The following NCAPD2 variants were observed in gnomAD, a reference collection of about 807,000 sequenced individuals.
The protein encoded by NCAPD2 is non-SMC condensin I complex subunit D2.
NCAPD2 carries 100 observed loss-of-function variants against 164.5 expected under a neutral mutation model. The observed-to-expected ratio is 0.61, with a 90% CI of 0.52 to 0.72. NCAPD2 has a LOEUF of 0.72. Among genes scored for constraint, NCAPD2 ranks in the 30% least tolerant of loss-of-function variants. NCAPD2 has a pLI of 0.00. For synonymous variants in NCAPD2, 585 were observed against 642.6 expected (o/e 0.91, Z 1.36); for missense variants, 1,560 against 1,749.2 (o/e 0.89, Z 1.93).
chr12:6,526,174 A>G lies in NCAPD2; in HGVS notation c.2455A>G (p.Ile819Val). ...GCTGGCCCAGCAGGTGTGCCATGCC[A>G]TTGCCAACATCTCGGACAGGAGAAA... The part of the protein sequence containing the change: ...YRLAQQVCHA[I>V]ANISDRRKPS... Residue 819 changes from isoleucine (I) to valine (V), a missense_variant, in exon 19 of 32, where the codon ATT (isoleucine) becomes GTT (valine). Coordinates refer to ENST00000315579, the MANE Select transcript of NCAPD2 (RefSeq NM_014865.4). 1 of 1,614,208 alleles carries G rather than the reference A, an allele frequency of 6.2e-7. No individual in the cohort carries two copies. The highest frequency in any genetic ancestry group is 1.1e-5 in the South Asian group (1 of 91,090).
In NCAPD2 at chr12:6,509,809, A is replaced by G. The variant is rs751198467; in HGVS notation, c.203+17A>G. The G allele has an allele frequency of 1.7e-5, 28 of 1,610,970 alleles. No individual in the cohort carries two copies. In the Middle Eastern group the frequency reaches 9.9e-4, roughly 57 times the overall value. On this transcript the variant is annotated intron_variant, in intron 3 of 31. Coordinates refer to ENST00000315579, the MANE Select transcript of NCAPD2 (RefSeq NM_014865.4). ...CATTTTGCAGTAAGTGAAACACCCA[A>G]CTGGTACTTTAAAAAGAACTGGTGA...
chr12:6,528,487 C>T lies in NCAPD2; in HGVS notation c.3299+159C>T. On this transcript the variant is annotated intron_variant, in intron 25 of 31. Transcript: ENST00000315579. This position sits in a 1 kb window ranked among gnomAD's most constrained non-coding sequence, Gnocchi z 5.1. ...ACAGGCCCCTGGCTAAGAGTCACCC[C>T]AGTGGGACTGACACTTCTGGTTAGA... The T allele has an allele frequency of 8.6e-7, 1 of 1,165,672 alleles. No homozygotes were observed. The highest frequency in any genetic ancestry group is 1.4e-5 in the South Asian group (1 of 69,056). The allele number at this position is 1,165,672 out of a possible 1,614,324, so 72.2% of individuals were successfully genotyped here. A position where few individuals can be genotyped will look rare whatever the true frequency, so the allele number is the denominator to read the frequency against.
intron 2 of NCAPD2, among the ~76,000 whole-genome samples, chr12:6,502,783 G>A (rs777072961): frequency 1.9e-4 from 29 of 151,928 alleles, no homozygotes; most frequent in Non-Finnish European, 2.6e-4. Context: ...ACTGCACTTC[G>A]GCCTGCGCAA....
rs1264212532 is a variant in NCAPD2, at chr12:6,504,222, T to C, written c.128-5495T>C. ...ATATATATATATATATATATAGATATAGATATATATATATATATATACCAT... is the reference window on the plus strand; with the variant it reads ...ATATATATATATATATATATAGATACAGATATATATATATATATATACCAT... On this transcript the variant is annotated intron_variant, in intron 2 of 31. Coordinates refer to ENST00000315579, the MANE Select transcript of NCAPD2 (RefSeq NM_014865.4). 5.0e-3 allele frequency among the ~76,000 whole-genome samples: 135 copies of C among 27,178 alleles called. 3 individuals carry two copies. Among genetic ancestry groups the C allele is most frequent in the African/African-American group, 0.041 (125 of 3,014 alleles). 17.8% of individuals were successfully genotyped at this position (27,178 alleles called of 152,430 possible). A position where few individuals can be genotyped will look rare whatever the true frequency, so the allele number is the denominator to read the frequency against.
chr12:6,527,199 G>T, intron 22 of NCAPD2, 136 bp downstream of exon 22: 2 of 942,326 alleles, frequency 2.1e-6, no homozygotes, highest in Non-Finnish European at 3.0e-6. Context: ...GGCTACTACC[G>T]TAGGAAAGGT....
chr12:6,524,009 G>C (rs186242705), intron 17 of NCAPD2, among the ~76,000 whole-genome samples: 2 of 152,294 alleles, frequency 1.3e-5, no homozygotes, highest in East Asian at 3.9e-4. Flanking sequence ...AGCATTATCT[G>C]CATTTTACAA....
In NCAPD2 at chr12:6,528,435, C is replaced by T. The variant is rs959732217; in HGVS notation, c.3299+107C>T. 1.2e-5 allele frequency: 18 copies of T among 1,459,484 alleles called. No individual in the cohort carries two copies. The highest frequency in any genetic ancestry group is 3.5e-5 in the Admixed American group (2 of 57,112). The allele number at this position is 1,459,484 out of a possible 1,614,324, so 90.4% of individuals were successfully genotyped here. On this transcript the variant is annotated intron_variant, in intron 25 of 31. Transcript: ENST00000315579. This position sits in a 1 kb window ranked among gnomAD's most constrained non-coding sequence, Gnocchi z 5.1. ...CTTCCCCTAGGCTTTGGCATCACCG[C>T]GAACATCTGCTTGATACTTGACCTG...
chr12:6,527,162 T>C, intron 22 of NCAPD2, 99 bp downstream of exon 22: 4 of 1,317,442 alleles, frequency 3.0e-6, no homozygotes, highest in Non-Finnish European at 4.1e-6. Context: ...TGCTATTACA[T>C]GAAGCGAAGA....
intron 4 of NCAPD2, 114 bp downstream of exon 4, chr12:6,510,247 G>A (rs1307835003): frequency 8.5e-7 from 1 of 1,180,578 alleles, no homozygotes; most frequent in South Asian, 1.2e-5. Context: ...CAAGGCTGTT[G>A]TGATTCAGTT....
At chr12:6,513,559 G>A (rs1946170297) in intron 6 of NCAPD2, among the ~76,000 whole-genome samples, 1 of 151,922 alleles carries the variant, frequency 6.6e-6, no homozygotes, top group Non-Finnish European at 1.5e-5. Context: ...AACTGAGAAA[G>A]GAGTCTTGTT....
chr12:6,517,832 T>G lies in NCAPD2; in HGVS notation c.1462T>G (p.Ser488Ala). ...GGAAGCCATGCTGCCAGAGTTGAAG[T>G]CTACCCTGCAGCAGCTTCTACAGCT... Reference protein sequence around the residue: ...EWEAMLPELKSTLQQLLQLPQ... With the variant: ...EWEAMLPELKATLQQLLQLPQ... Residue 488 changes from serine to alanine, a missense_variant, in exon 13 of 32, where the codon TCT (serine) becomes GCT (alanine). Transcript: ENST00000315579. The G allele has an allele frequency of 6.2e-7, 1 of 1,614,128 alleles. No individual in the cohort carries two copies. The highest frequency in any genetic ancestry group is 1.1e-5 in the South Asian group (1 of 91,086).
chr12:6,520,070 A>C (rs1254883409), intron 13 of NCAPD2, among the ~76,000 whole-genome samples: 2 of 151,608 alleles, frequency 1.3e-5, no homozygotes, highest in Non-Finnish European at 2.9e-5. Context: ...AATCCTAGCT[A>C]TTTGGGGAGC....
At position 6,531,926 on chromosome 12, in the gene NCAPD2, C is replaced by CTAATG. The variant is rs1383966849; in HGVS notation, c.*515_*519dup. The CTAATG allele has an allele frequency of 1.1e-5, 2 of 177,720 alleles. No individual in the cohort carries two copies. The highest frequency in any genetic ancestry group is 4.8e-5 in the African/African-American group (2 of 41,550). The allele number at this position is 177,720 out of a possible 1,614,324, so 11.0% of individuals were successfully genotyped here. A position where few individuals can be genotyped will look rare whatever the true frequency, so the allele number is the denominator to read the frequency against. ...ATATGTTTGCCAATCTCCTTGTTTT[C>CTAATG]TAATGAATAAATGTTTTTATATACT... On this transcript the variant is annotated 3_prime_UTR_variant, in exon 32 of 32. Transcript: ENST00000315579. The surrounding 1 kb of genome is among the most constrained non-coding windows in gnomAD (Gnocchi z 4.1).
chr12:6,522,957 A>G lies in NCAPD2; in HGVS notation c.2084A>G (p.Asn695Ser), dbSNP rs761032094. ...KEPGVREAVLNAYRQLYLNPK... is the reference protein window; with the variant it reads ...KEPGVREAVLSAYRQLYLNPK... ...CCTGGTGTCCGGGAAGCCGTGCTTA[A>G]TGCCTACCGCCAACTCTACCTCAAC... Residue 695 changes from asparagine (N) to serine (S), a missense_variant, in exon 16 of 32, where the codon AAT becomes AGT. Asn to Ser is a conservative substitution (Grantham distance 46, BLOSUM62 1). Coordinates refer to ENST00000315579, the MANE Select transcript of NCAPD2 (RefSeq NM_014865.4). 3 of 1,614,202 alleles carry G rather than the reference A, an allele frequency of 1.9e-6. No individual in the cohort carries two copies. Among genetic ancestry groups the G allele is most frequent in the Non-Finnish European group, 2.5e-6 (3 of 1,180,044 alleles).
chr12:6,520,115 A>C (rs543141030), intron 13 of NCAPD2, among the ~76,000 whole-genome samples: 1 of 151,694 alleles, frequency 6.6e-6, no homozygotes, highest in South Asian at 2.1e-4. Context: ...TAGGAAGCAG[A>C]GGTTATAGTG....
At position 6,522,795 on chromosome 12, in the gene NCAPD2, GTAGA is replaced by G. The variant is rs752982073; in HGVS notation, c.1955-29_1955-26del. The G allele has an allele frequency of 9.3e-6, 15 of 1,606,932 alleles. No individual in the cohort carries two copies. The African/African-American group carries it at 1.5e-4, about 16-fold the overall frequency. ...TTAGGTATTGGGGGAGTTTTGTGAA[GTAGA>G]TAGGTGACATTTGTACATGTTCTCT... is the stretch of plus-strand genomic sequence containing the variant. On this transcript the variant is annotated intron_variant, in intron 15 of 31. Coordinates refer to ENST00000315579, the MANE Select transcript of NCAPD2 (RefSeq NM_014865.4).
At chr12:6,503,255 A>G (rs1458711103) in intron 2 of NCAPD2, among the ~76,000 whole-genome samples, 1 of 37,732 alleles carries the variant, frequency 2.7e-5, no homozygotes, top group Non-Finnish European at 4.7e-5. Context: ...TACGATGTAT[A>G]GAAAATGGAC....
Position 6,531,408 on chromosome 12 carries a change from C to G in NCAPD2, c.4202C>G (p.Ser1401Cys). The G allele has an allele frequency of 3.1e-6, 5 of 1,613,440 alleles. No individual in the cohort carries two copies. Among genetic ancestry groups the G allele is most frequent in the Middle Eastern group, 1.7e-4 (1 of 5,918 alleles). Residue 1401 changes from serine to cysteine, a missense_variant, in exon 32 of 32, where the codon TCC (serine) becomes TGC (cysteine). By Grantham distance (112) the Ser-to-Cys change is moderately radical. Coordinates refer to ENST00000315579, the MANE Select transcript of NCAPD2 (RefSeq NM_014865.4). The surrounding 1 kb of genome is among the most constrained non-coding windows in gnomAD (Gnocchi z 4.1). Reference sequence around the variant, plus strand: ...AGAGCATCGGCTCGCAGGCACAGATCCTAGGAAGTCTGTTCCTGTCCTCCC... The same window carrying G: ...AGAGCATCGGCTCGCAGGCACAGATGCTAGGAAGTCTGTTCCTGTCCTCCC... ...ILRASARRHR[S>C]
At chr12:6,502,848 T>C (rs183870164) in intron 2 of NCAPD2, among the ~76,000 whole-genome samples, 23 of 146,934 alleles carry the variant, frequency 1.6e-4, no homozygotes, top group Non-Finnish European at 2.9e-4. Context: ...TTGTTGTTGT[T>C]GTTGTTGTTG....
Sources: allele counts gnomAD v4.1 joint callset (sites outside exome capture counted in the v4.1 genomes callset), GRCh38; gene constraint gnomAD v4.1.1; non-coding constraint Gnocchi (gnomAD v3.1); transcripts MANE v1.5; gene names NCBI Gene and HGNC (gene_info 2026-07-23, HGNC 2026-07-21).